The following ADGRL2 variants were observed in gnomAD, a reference collection of about 807,000 sequenced individuals.
ADGRL2 encodes calcium-independent alpha-latrotoxin receptor 2.
In ADGRL2, 44 loss-of-function variants were observed where a neutral mutation model predicts 157.4. That is an observed-to-expected ratio of 0.28 (90% CI 0.22 to 0.36). The LOEUF is 0.36. ADGRL2 is among the 10% of genes least tolerant of loss of function. The pLI is 1.00. For missense variants in ADGRL2, 1,510 were observed against 1,768.9 expected (o/e 0.85, Z 2.63); for synonymous variants, 585 against 624.7 (o/e 0.94, Z 0.95).
At chr1:81,451,370 G>T (rs1016590800) in intron 2 of ADGRL2, among the ~76,000 whole-genome samples, 5 of 152,014 alleles carry the variant, frequency 3.3e-5, no homozygotes, top group Non-Finnish European at 7.4e-5. Flanking sequence ...ATCTCTTTTT[G>T]TCTGGTTATA....
At chr1:81,781,841 T>A (rs1285017437) in intron 2 of ADGRL2, among the ~76,000 whole-genome samples, 3 of 152,230 alleles carry the variant, frequency 2.0e-5, no homozygotes, top group Non-Finnish European at 4.4e-5. Context: ...CTTGTTACTC[T>A]GGAAGCATTT....
chr1:81,502,754 G>T lies in ADGRL2; in HGVS notation c.-248+57665G>T, dbSNP rs960665363. On this transcript the variant is annotated intron_variant, in intron 2 of 24. Transcript: ENST00000370721. ...CTCCAGGCAGCAATTGATGGCAACC[G>T]CAGGGAGAGCCGGCGGCCCAGCTAC... 2.6e-5 allele frequency: 42 copies of T among 1,613,564 alleles called. 1 individual carries two copies. The highest frequency in any genetic ancestry group is 7.7e-5 in the South Asian group (7 of 91,066).
intron 1 of ADGRL2, among the ~76,000 whole-genome samples, chr1:81,704,247 A>G (rs181044042): frequency 2.4e-4 from 37 of 152,364 alleles, no homozygotes; most frequent in African/African-American, 8.4e-4. Flanking sequence ...AGAAGGCCCT[A>G]AAAGTCTGAC....
chr1:81,867,912 A>C (rs908907027), intron 2 of ADGRL2, among the ~76,000 whole-genome samples: 1 of 152,036 alleles, frequency 6.6e-6, no homozygotes, highest in Non-Finnish European at 1.5e-5. Flanking sequence ...GTTCTTAAAA[A>C]TTTGGAGCTT....
At position 81,566,857 on chromosome 1, in the gene ADGRL2, A is replaced by G. The variant is rs577410895; in HGVS notation, c.-247-14019A>G. ...TTCTGAAAATATTTCTCGATATTTCAGTTTGAAGAAATTTCATAATTAATC... is the reference window on the plus strand; with the variant it reads ...TTCTGAAAATATTTCTCGATATTTCGGTTTGAAGAAATTTCATAATTAATC... On this transcript the variant is annotated intron_variant, in intron 2 of 24. Coordinates refer to the ADGRL2 transcript ENST00000370721. Among the ~76,000 whole-genome samples the G allele has an allele frequency of 7.9e-5, 12 of 152,252 alleles. No homozygotes were observed. The East Asian group carries it at 1.7e-3, about 22-fold the overall frequency.
intron 1 of ADGRL2, among the ~76,000 whole-genome samples, chr1:81,725,932 G>A (rs181079910): frequency 6.5e-4 from 99 of 152,262 alleles, no homozygotes; most frequent in African/African-American, 2.4e-3. Flanking sequence ...GCAGTGAGCC[G>A]AGATGGCTCC....
intron 1 of ADGRL2, chr1:81,722,867 A>G (rs149215945): frequency 2.8e-6 from 2 of 711,652 alleles, no homozygotes; most frequent in African/African-American, 3.5e-5. Context: ...TAATTTTCCC[A>G]GAGGAATATC....
At chr1:81,375,618 T>G (rs998135594) in intron 1 of ADGRL2, among the ~76,000 whole-genome samples, 1 of 152,202 alleles carries the variant, frequency 6.6e-6, no homozygotes, top group Non-Finnish European at 1.5e-5. Flanking sequence ...CTACTATTGG[T>G]TCTAGGATTA....
intron 1 of ADGRL2, among the ~76,000 whole-genome samples, chr1:81,717,559 A>G (rs1233691530): frequency 1.3e-5 from 2 of 152,160 alleles, no homozygotes; most frequent in African/African-American, 4.8e-5. Context: ...ATCCCTGAAA[A>G]CTTCAACTCC....
At chr1:81,813,454 G>C (rs1022640048) in intron 1 of ADGRL2, among the ~76,000 whole-genome samples, 6 of 151,654 alleles carry the variant, frequency 4.0e-5, no homozygotes, top group Admixed American at 1.3e-4. Flanking sequence ...CTCTAAGTAA[G>C]GAAACTTGTT....
At chr1:81,699,504 T>C (rs999157221), upstream of ADGRL2, among the ~76,000 whole-genome samples, 7 of 152,100 alleles carry the variant, frequency 4.6e-5, no homozygotes, top group Non-Finnish European at 1.0e-4. Context: ...GAGCAAAATA[T>C]TGGAAGCAAT....
At chr1:81,700,791 T>A (rs1352036210) in intron 1 of ADGRL2, among the ~76,000 whole-genome samples, 1 of 152,202 alleles carries the variant, frequency 6.6e-6, no homozygotes, top group Non-Finnish European at 1.5e-5. Context: ...GATTCACAAT[T>A]GTCGAACATT....
intron 11 of ADGRL2, among the ~76,000 whole-genome samples, chr1:81,958,225 C>G (rs1363231169): frequency 6.6e-6 from 1 of 151,922 alleles, no homozygotes; most frequent in Non-Finnish European, 1.5e-5. Context: ...CCATTGCACT[C>G]CAGCCTGGGC....
intron 3 of ADGRL2, among the ~76,000 whole-genome samples, chr1:81,593,899 T>C (rs757467369): frequency 6.6e-6 from 1 of 152,182 alleles, no homozygotes; most frequent in African/African-American, 2.4e-5. Flanking sequence ...GCCTAAATTT[T>C]GCGAAGTTTG....
intron 1 of ADGRL2, among the ~76,000 whole-genome samples, chr1:81,381,060 A>G (rs889606116): frequency 5.3e-5 from 8 of 152,010 alleles, no homozygotes; most frequent in African/African-American, 1.7e-4. Flanking sequence ...ATAGATTGGA[A>G]CTATATTTGT....
chr1:81,770,725 G>A (rs1039706168), intron 2 of ADGRL2, among the ~76,000 whole-genome samples: 4 of 148,052 alleles, frequency 2.7e-5, no homozygotes, highest in Admixed American at 6.7e-5. Flanking sequence ...CACCCGCCTC[G>A]GCCTCCCAAA....
chr1:81,535,924 A>G (rs1209106722), intron 2 of ADGRL2, among the ~76,000 whole-genome samples: 1 of 152,234 alleles, frequency 6.6e-6, no homozygotes, highest in Non-Finnish European at 1.5e-5. Context: ...TGGACATTCT[A>G]AATGTACTTC....
intron 1 of ADGRL2, among the ~76,000 whole-genome samples, chr1:81,326,601 A>G (rs960864618): frequency 2.0e-5 from 3 of 152,224 alleles, no homozygotes; most frequent in Admixed American, 1.3e-4. Context: ...TAAGTGAACT[A>G]CATACAAAAG....
intron 3 of ADGRL2, among the ~76,000 whole-genome samples, chr1:81,933,465 A>T (rs2095264314): frequency 6.6e-6 from 1 of 152,330 alleles, no homozygotes; most frequent in East Asian, 1.9e-4. Flanking sequence ...CTGAAAATAC[A>T]AACGACTAAA....
Sources: allele counts gnomAD v4.1 joint callset (sites outside exome capture counted in the v4.1 genomes callset), GRCh38; gene constraint gnomAD v4.1.1; transcripts MANE v1.5; gene names NCBI Gene and HGNC (gene_info 2026-07-23, HGNC 2026-07-21).